Variants in ITSN1 observed in about 807,000 individuals in gnomAD.
ITSN1 encodes intersectin 1, also known as intersectin-1.
Under a neutral mutation model 239.8 loss-of-function variants are expected in ITSN1, and 58 were observed. The ratio of observed to expected loss-of-function variants is 0.24; its 90% confidence interval spans 0.20 to 0.30. The LOEUF is 0.30. Among genes scored for constraint, ITSN1 ranks in the 10% least tolerant of loss-of-function variants. The probability of loss-of-function intolerance (pLI) is 1.00; values close to 1 mark genes in which losing one functional copy is unlikely to be tolerated. For synonymous variants in ITSN1, 780 were observed against 770.8 expected, an observed-to-expected ratio of 1.01 and a Z score of -0.20; for missense variants, 1,558 against 2,103.3, an observed-to-expected ratio of 0.74 and a Z score of 5.07.
chr21:33,862,097 A>G (rs1980700982), intron 31 of ITSN1, among the ~76,000 whole-genome samples: 1 of 140,554 alleles, frequency 7.1e-6, no homozygotes, highest in African/African-American at 2.6e-5. Flanking sequence ...CGGTGGGGGC[A>G]GAGGCTGCAG....
intron 38 of ITSN1, among the ~76,000 whole-genome samples, chr21:33,885,864 C>T (rs7278131): frequency 0.029 from 4,456 of 152,126 alleles, 225 homozygotes; most frequent in African/African-American, 0.099. Context: ...CTGGGAGTTT[C>T]CACCCGGATT....
intron 26 of ITSN1, chr21:33,828,875 G>A (rs1403184309): frequency 6.6e-6 from 3 of 453,222 alleles, no homozygotes; most frequent in African/African-American, 6.1e-5. Context: ...TTTTTCCCAT[G>A]GGACTTTTCA....
At chr21:33,721,740 G>A (rs1280980207) in intron 3 of ITSN1, among the ~76,000 whole-genome samples, 2 of 151,458 alleles carry the variant, frequency 1.3e-5, no homozygotes, top group Non-Finnish European at 2.9e-5. Context: ...GTTGCAGTGA[G>A]CCGAGATCAC....
At chr21:33,829,404 C>G in intron 26 of ITSN1, 2 of 560,632 alleles carry the variant, frequency 3.6e-6, no homozygotes, top group South Asian at 4.2e-5. Flanking sequence ...GTCTGCAGCC[C>G]ACTGAGGGCT....
chr21:33,761,756 G>A (rs2068344495), intron 8 of ITSN1, among the ~76,000 whole-genome samples, 167 bp from the exon 9 acceptor site: 1 of 151,976 alleles, frequency 6.6e-6, no homozygotes. Context: ...TTTTTCATTG[G>A]GGCTTAATTT....
At chr21:33,698,270 A>G (rs2146767414) in intron 1 of ITSN1, among the ~76,000 whole-genome samples, 1 of 152,278 alleles carries the variant, frequency 6.6e-6, no homozygotes, top group Admixed American at 6.5e-5. Context: ...TGATGTGCTG[A>G]CAGCTGTACC....
At chr21:33,690,790 CATATATATATAT>C (rs1167375498) in intron 1 of ITSN1, among the ~76,000 whole-genome samples, 2 of 12,962 alleles carry the variant, frequency 1.5e-4, no homozygotes, top group Non-Finnish European at 2.7e-4. Flanking sequence ...TATATATATA[CATATATATATAT>C]ATATATATAT....
At position 33,734,589 on chromosome 21, in the gene ITSN1, A is replaced by G. The variant is rs535394432; in HGVS notation, c.186-455A>G. On this transcript the variant is annotated intron_variant, in intron 4 of 39. Coordinates refer to ENST00000381318, the MANE Select transcript of ITSN1 (RefSeq NM_003024.3). The stretch of plus-strand genomic sequence containing the variant: ...GCTCTACAAAGAATGCAATCTAAGT[A>G]TCTCTAGCAATATTAACATTCCGCT... Among the ~76,000 whole-genome samples, 5 of 152,342 alleles carry G rather than the reference A, an allele frequency of 3.3e-5. No individual in the cohort carries two copies. In the East Asian group the frequency reaches 5.8e-4, roughly 18 times the overall value.
chr21:33,885,666 T>TA, intron 38 of ITSN1, 144 bp downstream of exon 38: 1 of 643,538 alleles, frequency 1.6e-6, no homozygotes. Context: ...TAGCACTTGT[T>TA]AAAAACCTGG....
At chr21:33,713,782 A>G (rs1041901938) in intron 1 of ITSN1, among the ~76,000 whole-genome samples, 1 of 150,896 alleles carries the variant, frequency 6.6e-6, no homozygotes, top group Non-Finnish European at 1.5e-5. Context: ...GGCATTGGAA[A>G]GACCTGTGGT....
chr21:33,894,482 A>C lies in ITSN1; in HGVS notation c.*6182A>C, dbSNP rs925682035. On this transcript the variant is annotated 3_prime_UTR_variant, in exon 40 of 40. Coordinates refer to ENST00000381318, the MANE Select transcript of ITSN1 (RefSeq NM_003024.3). ...TGTTACTATCATCTGCCTAGTATGAATATTTTAGTATTCAAAGCCCACCAG... is the reference window on the plus strand; with the variant it reads ...TGTTACTATCATCTGCCTAGTATGACTATTTTAGTATTCAAAGCCCACCAG... 2.0e-5 allele frequency: 3 copies of C among 152,108 alleles called. No individual in the cohort carries two copies. The highest frequency in any genetic ancestry group is 4.4e-5 in the Non-Finnish European group (3 of 68,026). The allele number at this position is 152,108 out of a possible 1,614,324, so 9.4% of individuals were successfully genotyped here.
chr21:33,716,247 C>T (rs1012270393), intron 1 of ITSN1, among the ~76,000 whole-genome samples: 13 of 152,142 alleles, frequency 8.5e-5, no homozygotes, highest in African/African-American at 3.1e-4. Flanking sequence ...ACCTTCCTCT[C>T]CTACACTCCA....
At chr21:33,816,426 T>C (rs927468804) in intron 22 of ITSN1, among the ~76,000 whole-genome samples, 3 of 152,312 alleles carry the variant, frequency 2.0e-5, no homozygotes, top group African/African-American at 2.4e-5. Flanking sequence ...TGCTAAACTT[T>C]AATAGCCTTT....
chr21:33,806,815 A>G (rs1449895700), intron 20 of ITSN1, among the ~76,000 whole-genome samples: 1 of 152,222 alleles, frequency 6.6e-6, no homozygotes, highest in Admixed American at 6.5e-5. Context: ...GTAAATGTAC[A>G]TTGTGTAAAA....
chr21:33,751,953 C>G, intron 7 of ITSN1, 47 bp downstream of exon 7: 1 of 1,133,544 alleles, frequency 8.8e-7, no homozygotes, highest in Non-Finnish European at 1.3e-6. Flanking sequence ...AGGCCATTAC[C>G]TGATTAAATC....
chr21:33,671,659 A>T (rs2090290556), intron 1 of ITSN1, among the ~76,000 whole-genome samples: 1 of 151,870 alleles, frequency 6.6e-6, no homozygotes, highest in African/African-American at 2.4e-5. Flanking sequence ...AAAAATTAGC[A>T]GGCATGGTGG....
intron 15 of ITSN1, among the ~76,000 whole-genome samples, chr21:33,781,767 T>C (rs184449865): frequency 9.2e-5 from 14 of 151,988 alleles, no homozygotes; most frequent in African/African-American, 2.9e-4. Context: ...TTAGTAGAGA[T>C]GGGGTTTCAC....
At chr21:33,682,506 A>G (rs2091021979) in intron 1 of ITSN1, among the ~76,000 whole-genome samples, 1 of 149,566 alleles carries the variant, frequency 6.7e-6, no homozygotes, top group African/African-American at 2.5e-5. Context: ...TGAGCCACAT[A>G]GTGCCCAGCC....
intron 20 of ITSN1, among the ~76,000 whole-genome samples, chr21:33,810,675 A>G (rs958741716): frequency 1.3e-5 from 2 of 152,204 alleles, no homozygotes; most frequent in African/African-American, 4.8e-5. Flanking sequence ...TCCCAAATCA[A>G]AATATTTAAA....
Sources: allele counts gnomAD v4.1 joint callset (sites outside exome capture counted in the v4.1 genomes callset), GRCh38; gene constraint gnomAD v4.1.1; transcripts MANE v1.5; gene names NCBI Gene and HGNC (gene_info 2026-07-23, HGNC 2026-07-21).